Variants in PDSS2 observed in about 807,000 individuals in gnomAD.
The protein encoded by PDSS2 is decaprenyl diphosphate synthase subunit 2.
A neutral mutation model predicts 44.5 loss-of-function variants in PDSS2; 31 were observed. The observed-to-expected ratio is 0.70, with a 90% CI of 0.52 to 0.94. The LOEUF is 0.94. Ranked by LOEUF, PDSS2 falls within the 40% of genes least tolerant of loss-of-function variation. The pLI, the probability that PDSS2 is intolerant of heterozygous loss-of-function variation, is 0.00. For synonymous variants in PDSS2, 157 were observed against 180.3 expected (o/e 0.87, Z 1.03); for missense variants, 452 against 482.2 (o/e 0.94, Z 0.59).
intron 3 of PDSS2, 36 bp from the exon 4 acceptor site, chr6:107,245,655 T>G: frequency 7.7e-7 from 1 of 1,291,252 alleles, no homozygotes; most frequent in Non-Finnish European, 1.1e-6. Flanking sequence ...ATAAAAAAAT[T>G]TAAATATATC....
chr6:107,169,519 G>A (rs1050083710), intron 7 of PDSS2, among the ~76,000 whole-genome samples: 11 of 152,138 alleles, frequency 7.2e-5, no homozygotes, highest in African/African-American at 2.4e-4. Context: ...CATTGCTGAC[G>A]AGGAGATGCA....
chr6:107,426,110 CA>C (rs921990525), intron 1 of PDSS2, among the ~76,000 whole-genome samples: 1 of 152,180 alleles, frequency 6.6e-6, no homozygotes, highest in Non-Finnish European at 1.5e-5. Context: ...CAGCCCCTCC[CA>C]TCACAGGCCT....
At chr6:107,238,425 A>G (rs1158860550) in intron 4 of PDSS2, among the ~76,000 whole-genome samples, 1 of 152,232 alleles carries the variant, frequency 6.6e-6, no homozygotes, top group Non-Finnish European at 1.5e-5. Flanking sequence ...TACAATGCAA[A>G]ACCACTAAAA....
intron 2 of PDSS2, among the ~76,000 whole-genome samples, chr6:107,282,540 A>C (rs1775996065): frequency 6.6e-6 from 1 of 150,544 alleles, no homozygotes. Flanking sequence ...CTACAGGCAC[A>C]TACCACCATA....
chr6:107,389,884 G>C (rs1467345477), intron 1 of PDSS2, among the ~76,000 whole-genome samples: 1 of 152,030 alleles, frequency 6.6e-6, no homozygotes, highest in African/African-American at 2.4e-5. Context: ...ATTAGGCTGG[G>C]AAAATACAAG....
chr6:107,292,994 C>A (rs1001623870), intron 2 of PDSS2, among the ~76,000 whole-genome samples: 2 of 152,180 alleles, frequency 1.3e-5, no homozygotes, highest in African/African-American at 4.8e-5. Flanking sequence ...GTCAGGGCAG[C>A]CCTTGGAGGG....
rs75994409 is a variant in PDSS2, at chr6:107,379,359, G to C, written c.297-45027C>G. On this transcript the variant is annotated intron_variant, in intron 1 of 7. Coordinates refer to ENST00000369037, the MANE Select transcript of PDSS2 (RefSeq NM_020381.4). Reference sequence around the variant, plus strand: ...TTTTGTAAACATTTCATGTGCACTTGAGAAAAGGATGTATTTTCTATTATC... The same window carrying C: ...TTTTGTAAACATTTCATGTGCACTTCAGAAAAGGATGTATTTTCTATTATC... Among the ~76,000 whole-genome samples, 517 of 152,268 alleles carry C rather than the reference G, an allele frequency of 3.4e-3. 3 individuals carry two copies. Among genetic ancestry groups the C allele is most frequent in the African/African-American group, 0.012 (498 of 41,552 alleles).
intron 6 of PDSS2, among the ~76,000 whole-genome samples, chr6:107,195,759 C>T (rs965843044): frequency 1.3e-5 from 2 of 152,110 alleles, no homozygotes; most frequent in Non-Finnish European, 2.9e-5. Flanking sequence ...AAGGTATCGC[C>T]ATGTTGGCCA....
chr6:107,379,469 TTG>T lies in PDSS2; in HGVS notation c.297-45139_297-45138del, dbSNP rs1474862568. Reference sequence around the variant, plus strand: ...CTCAAAAATCTATCCTTGCTGATTTTTGTCTGTCTTATCTTATACTGAGAGTG... The same window carrying T: ...CTCAAAAATCTATCCTTGCTGATTTTTCTGTCTTATCTTATACTGAGAGTG... On this transcript the variant is annotated intron_variant, in intron 1 of 7. Transcript: ENST00000369037. 2.6e-5 allele frequency among the ~76,000 whole-genome samples: 4 copies of T among 152,246 alleles called. No individual in the cohort carries two copies. In the East Asian group the frequency reaches 7.7e-4, roughly 29 times the overall value.
intron 1 of PDSS2, among the ~76,000 whole-genome samples, chr6:107,392,996 T>TA (rs1440301474): frequency 6.6e-6 from 1 of 152,114 alleles, no homozygotes; most frequent in Non-Finnish European, 1.5e-5. Flanking sequence ...ACTGATTTTT[T>TA]AAAAAACAGT....
At chr6:107,405,687 A>G (rs1780291269) in intron 1 of PDSS2, among the ~76,000 whole-genome samples, 1 of 151,876 alleles carries the variant, frequency 6.6e-6, no homozygotes, top group Non-Finnish European at 1.5e-5. Flanking sequence ...CTCTACTAAA[A>G]ATACAAAAAA....
intron 1 of PDSS2, among the ~76,000 whole-genome samples, chr6:107,366,803 T>C (rs1255820987): frequency 6.6e-6 from 1 of 151,844 alleles, no homozygotes; most frequent in Non-Finnish European, 1.5e-5. Flanking sequence ...AATAGGACTA[T>C]TTATATTTAA....
intron 7 of PDSS2, among the ~76,000 whole-genome samples, chr6:107,162,378 A>T (rs1214527663): frequency 6.7e-6 from 1 of 150,372 alleles, no homozygotes; most frequent in Non-Finnish European, 1.5e-5. Context: ...CTGTAATCCC[A>T]GCTACTTGGG....
rs74518755 is a variant in PDSS2, at chr6:107,157,464, T to A, written c.1042-2687A>T. Among the ~76,000 whole-genome samples the A allele has an allele frequency of 0.01, 1,537 of 150,702 alleles. 71 individuals are homozygous for A. In the East Asian group the frequency reaches 0.16, roughly 16 times the overall value. ...GCCTCCCAAACCTTCTCCCCTTTAA[T>A]TATAGGGGAACCAACTGCAGTTCTC... On this transcript the variant is annotated intron_variant, in intron 7 of 7. Coordinates refer to ENST00000369037, the MANE Select transcript of PDSS2 (RefSeq NM_020381.4).
rs143518868 is a variant in PDSS2, at chr6:107,202,163, T to A, written c.1008+8276A>T. Among the ~76,000 whole-genome samples the A allele has an allele frequency of 3.2e-4, 48 of 152,258 alleles. No individual in the cohort carries two copies. The East Asian group carries it at 9.3e-3, about 29-fold the overall frequency. On this transcript the variant is annotated intron_variant, in intron 6 of 7. Transcript: ENST00000369037. ...AAGAGATTCTCTAGCCTCAGCCTCCTGAATAGCTGGGATTACAGGTACACA... is the reference window on the plus strand; with the variant it reads ...AAGAGATTCTCTAGCCTCAGCCTCCAGAATAGCTGGGATTACAGGTACACA...
chr6:107,171,488 T>C (rs1450552930), intron 7 of PDSS2, among the ~76,000 whole-genome samples: 1 of 151,984 alleles, frequency 6.6e-6, no homozygotes, highest in Non-Finnish European at 1.5e-5. Context: ...TAGCCATAGA[T>C]AAAAGACCAC....
At chr6:107,226,457 A>C (rs978667556) in intron 4 of PDSS2, among the ~76,000 whole-genome samples, 1 of 152,128 alleles carries the variant, frequency 6.6e-6, no homozygotes, top group Non-Finnish European at 1.5e-5. Flanking sequence ...TGAGCTGACA[A>C]AGGAAACATA....
intron 1 of PDSS2, among the ~76,000 whole-genome samples, chr6:107,384,725 G>T (rs1211183618): frequency 1.3e-5 from 2 of 151,350 alleles, no homozygotes; most frequent in Non-Finnish European, 2.9e-5. Flanking sequence ...TATGTAAATT[G>T]TATCTAAATA....
chr6:107,262,195 C>T (rs939066737), intron 3 of PDSS2, among the ~76,000 whole-genome samples: 6 of 152,024 alleles, frequency 3.9e-5, no homozygotes, highest in African/African-American at 1.4e-4. Context: ...GTGTGAGCCA[C>T]TGTGCCTGGC....
Sources: gnomAD v4.1 joint callset for allele counts (sites outside exome capture counted in the v4.1 genomes callset) on GRCh38, gnomAD v4.1.1 for gene constraint, MANE v1.5 for transcripts, NCBI Gene and HGNC (gene_info 2026-07-23, HGNC 2026-07-21) for gene names.